Variants in FCRL2 observed in about 807,000 individuals in gnomAD.
The protein encoded by FCRL2 is Fc receptor-like protein 2.
In FCRL2, 48 loss-of-function variants were observed where a neutral mutation model predicts 59.8. The observed-to-expected ratio is 0.80, with a 90% CI of 0.64 to 1.02. The LOEUF (loss-of-function observed/expected upper bound fraction) is 1.02, where lower values mean the gene tolerates loss of function less well. Ranked by LOEUF, FCRL2 falls within the 50% of genes least tolerant of loss-of-function variation. The pLI, the probability that FCRL2 is intolerant of heterozygous loss-of-function variation, is 0.00. For missense variants in FCRL2, 658 were observed against 597.3 expected (o/e 1.10, Z -1.06); for synonymous variants, 251 against 229.5 (o/e 1.09, Z -0.85).
chr1:157,770,054 C>G lies in FCRL2; in HGVS notation c.407G>C (p.Arg136Thr). The G allele has an allele frequency of 6.2e-7, 1 of 1,614,184 alleles. No individual in the cohort carries two copies. The highest frequency in any genetic ancestry group is 1.1e-5 in the South Asian group (1 of 91,088). ...GCAGAACTGGAGTTGAACATCCAAC[C>G]TCTGTGGAGAGAGCCGGGTCTCACA... ...LKCETRLSPQRLDVQLQFCFF... is the reference protein window; with the variant it reads ...LKCETRLSPQTLDVQLQFCFF... Residue 136 changes from arginine to threonine, a missense_variant, in exon 4 of 12, where the codon AGG becomes ACG. Coordinates refer to ENST00000361516, the MANE Select transcript of FCRL2 (RefSeq NM_030764.4).
chr1:157,746,108 C>A lies in FCRL2; in HGVS notation c.*628G>T, dbSNP rs79628425. 1 of 152,144 alleles carries A rather than the reference C, an allele frequency of 6.6e-6. No individual in the cohort carries two copies. The highest frequency in any genetic ancestry group is 1.5e-5 in the Non-Finnish European group (1 of 68,040). 9.4% of individuals were successfully genotyped at this position (152,144 alleles called of 1,614,324 possible). ...AATTAGTAATAAAAAACTTACCAAC[C>A]AACACAAAAGCCCTAGACCAGATGG... is the stretch of plus-strand genomic sequence containing the variant. On this transcript the variant is annotated 3_prime_UTR_variant, in exon 12 of 12. Transcript: ENST00000361516.
Position 157,770,072 on chromosome 1 carries a change from G to A in FCRL2, c.389C>T (p.Thr130Ile), listed in dbSNP as rs764276457. The A allele has an allele frequency of 1.2e-6, 2 of 1,614,054 alleles. No individual in the cohort carries two copies. The highest frequency in any genetic ancestry group is 1.7e-6 in the Non-Finnish European group (2 of 1,180,026). Residue 130 changes from threonine to isoleucine, a missense_variant, in exon 4 of 12, where the codon ACC becomes ATC. Coordinates refer to ENST00000361516, the MANE Select transcript of FCRL2 (RefSeq NM_030764.4). The part of the protein sequence containing the change: ...EGGPVSLKCE[T>I]RLSPQRLDVQ... ...ATCCAACCTCTGTGGAGAGAGCCGG[G>A]TCTCACATTTCAGGCTCACTGGACC...
chr1:157,759,197 G>A (rs983082732), intron 7 of FCRL2, among the ~76,000 whole-genome samples: 2 of 152,118 alleles, frequency 1.3e-5, no homozygotes, highest in African/African-American at 2.4e-5. Flanking sequence ...AGAAGGACAT[G>A]TTTGCTTCCT....
At chr1:157,764,983 A>T (rs904693722) in intron 7 of FCRL2, among the ~76,000 whole-genome samples, 1 of 152,168 alleles carries the variant, frequency 6.6e-6, no homozygotes, top group African/African-American at 2.4e-5. Flanking sequence ...GAGCACAACT[A>T]AATTAAATAG....
At chr1:157,748,104 A>G (rs16839030) in intron 10 of FCRL2, among the ~76,000 whole-genome samples, 4,860 of 152,020 alleles carry the variant, frequency 0.032, 245 homozygotes, top group African/African-American at 0.11. Context: ...ATTTCCTATC[A>G]AGGGCAAGTG....
chr1:157,748,830 C>A lies in FCRL2; in HGVS notation c.1393+45G>T, dbSNP rs763241278. ...TGGTCTCCGCTCCTGTCTCCTCTTTCTTTTCTGACTCAGCCTCAGAGCCCT... is the reference window on the plus strand; with the variant it reads ...TGGTCTCCGCTCCTGTCTCCTCTTTATTTTCTGACTCAGCCTCAGAGCCCT... On this transcript the variant is annotated intron_variant, in intron 9 of 11. Coordinates refer to ENST00000361516, the MANE Select transcript of FCRL2 (RefSeq NM_030764.4). 4.9e-5 allele frequency: 78 copies of A among 1,581,746 alleles called. 1 individual carries two copies. In the South Asian group the frequency reaches 8.3e-4, roughly 17 times the overall value.
At chr1:157,749,579 G>T in intron 8 of FCRL2, 71 bp downstream of exon 8, 1 of 1,065,524 alleles carries the variant, frequency 9.4e-7, no homozygotes, top group Non-Finnish European at 1.4e-6. Flanking sequence ...TACAAGCAGA[G>T]TACAGTAGGT....
At chr1:157,762,983 T>C (rs1649217142) in intron 7 of FCRL2, among the ~76,000 whole-genome samples, 1 of 152,176 alleles carries the variant, frequency 6.6e-6, no homozygotes, top group South Asian at 2.1e-4. Flanking sequence ...CTTACCATCA[T>C]GAAAATGCAT....
intron 2 of FCRL2, among the ~76,000 whole-genome samples, chr1:157,771,527 C>T (rs977564742): frequency 6.6e-6 from 1 of 152,118 alleles, no homozygotes; most frequent in East Asian, 1.9e-4. Flanking sequence ...TTTTCTCATC[C>T]ATTCAGTGAA....
At chr1:157,752,506 C>A (rs532682362) in intron 7 of FCRL2, among the ~76,000 whole-genome samples, 1 of 152,106 alleles carries the variant, frequency 6.6e-6, no homozygotes, top group Non-Finnish European at 1.5e-5. Flanking sequence ...GCATGAAAAC[C>A]GACTAATACA....
At chr1:157,757,192 G>C (rs1355345762) in intron 7 of FCRL2, among the ~76,000 whole-genome samples, 1 of 152,190 alleles carries the variant, frequency 6.6e-6, no homozygotes, top group African/African-American at 2.4e-5. Context: ...CAGATTAGGA[G>C]GCTTATATTA....
At chr1:157,756,032 G>C (rs1019973898) in intron 7 of FCRL2, among the ~76,000 whole-genome samples, 1 of 152,112 alleles carries the variant, frequency 6.6e-6, no homozygotes, top group Non-Finnish European at 1.5e-5. Context: ...AAGGTATTGG[G>C]CCACTCTGAA....
At chr1:157,770,788 C>T (rs374356234) in intron 2 of FCRL2, 122 bp from the exon 3 acceptor site, 2 of 1,048,772 alleles carry the variant, frequency 1.9e-6, no homozygotes, top group Middle Eastern at 2.1e-4. Flanking sequence ...AAGTTCCAAT[C>T]CATGCCTTAA....
chr1:157,776,637 C>T (rs57560418), intron 1 of FCRL2, among the ~76,000 whole-genome samples: 1,744 of 152,244 alleles, frequency 0.011, 35 homozygotes, highest in African/African-American at 0.04. Context: ...GGAATATTAG[C>T]AAAGGGTCTC....
In FCRL2 at chr1:157,766,710, G is replaced by C. The variant is rs924338108; in HGVS notation, c.1279+145C>G. 2.4e-5 allele frequency: 32 copies of C among 1,354,916 alleles called. No individual in the cohort carries two copies. The East Asian group carries it at 2.5e-4, about 11-fold the overall frequency. The allele number at this position is 1,354,916 out of a possible 1,614,324, so 83.9% of individuals were successfully genotyped here. A position where few individuals can be genotyped will look rare whatever the true frequency, so the allele number is the denominator to read the frequency against. On this transcript the variant is annotated intron_variant, in intron 7 of 11. Transcript: ENST00000361516. Reference sequence around the variant, plus strand: ...GTATGACCACATTGAGCATTGCACAGAGCCTTGCAGAATTATGAAGCATAA... The same window carrying C: ...GTATGACCACATTGAGCATTGCACACAGCCTTGCAGAATTATGAAGCATAA...
At position 157,769,927 on chromosome 1, in the gene FCRL2, C is replaced by T. The variant is rs1571291336; in HGVS notation, c.534G>A (p.Lys178=). ...TGATCCTGTGAGTCACCGTTTCTGCCTTGCACCAGTAAGACCCTGTGTCTT... is the reference window on the plus strand; with the variant it reads ...TGATCCTGTGAGTCACCGTTTCTGCTTTGCACCAGTAAGACCCTGTGTCTT... ...WSEDTGSYWC[K]AETVTHRIRK... The change falls in exon 4 of 12, where the codon AAG becomes AAA. Residue 178 remains lysine, a synonymous_variant. Transcript: ENST00000361516. 6 of 1,614,188 alleles carry T rather than the reference C, an allele frequency of 3.7e-6. No homozygotes were observed. In the African/African-American group the frequency reaches 6.7e-5, roughly 18 times the overall value.
At chr1:157,766,257 G>A (rs1050527703) in intron 7 of FCRL2, among the ~76,000 whole-genome samples, 1 of 152,218 alleles carries the variant, frequency 6.6e-6, no homozygotes, top group African/African-American at 2.4e-5. Context: ...GGATCAAGAG[G>A]TCAGGAGATT....
chr1:157,767,264 G>A lies in FCRL2; in HGVS notation c.1129C>T (p.Gln377Ter). 1 of 1,614,082 alleles carries A rather than the reference G, an allele frequency of 6.2e-7. No individual in the cohort carries two copies. Among genetic ancestry groups the A allele is most frequent in the Non-Finnish European group, 8.5e-7 (1 of 1,179,932 alleles). ...GAGACTGGCACTGCCTCACTGCACTGGGCCCCCAGGCCGTTGTTGGCCTCA... is the reference window on the plus strand; with the variant it reads ...GAGACTGGCACTGCCTCACTGCACTAGGCCCCCAGGCCGTTGTTGGCCTCA... ...SCEANNGLGA[Q>*]CSEAVPVSIS... The change falls in exon 6 of 12, where the codon CAG becomes TAG. Residue 377 changes from glutamine (Q) to a stop codon, truncating the protein, a stop_gained. Coordinates refer to ENST00000361516, the MANE Select transcript of FCRL2 (RefSeq NM_030764.4). LOFTEE classifies it high-confidence loss of function.
In FCRL2 at chr1:157,770,447, C is replaced by T. The variant is rs149860991; in HGVS notation, c.272G>A (p.Trp91Ter). ...FCSTKGQLFL[W>*]DKTSNIVKIK... ...CTTTACTATATTTGAAGTTTTATCC[C>T]AGAGAAAGAGTTGTCCTTTGGTACT... is the stretch of plus-strand genomic sequence containing the variant. The change falls in exon 3 of 12, where the codon TGG (tryptophan) becomes TAG (stop). Residue 91 changes from tryptophan (W) to a stop codon, truncating the protein, a stop_gained. Coordinates refer to ENST00000361516, the MANE Select transcript of FCRL2 (RefSeq NM_030764.4). LOFTEE classifies it high-confidence loss of function. 2.9e-5 allele frequency: 46 copies of T among 1,613,988 alleles called. No homozygotes were observed. The African/African-American group carries it at 5.3e-4, about 19-fold the overall frequency.
Sources: allele counts gnomAD v4.1 joint callset (sites outside exome capture counted in the v4.1 genomes callset), GRCh38; gene constraint gnomAD v4.1.1; transcripts MANE v1.5; gene names NCBI Gene and HGNC (gene_info 2026-07-23, HGNC 2026-07-21).